The following EMID1 variants were observed in gnomAD, a reference collection of about 807,000 sequenced individuals.
EMID1 encodes the protein EMI domain containing 1.
A neutral mutation model predicts 60.6 loss-of-function variants in EMID1; 40 were observed. The ratio of observed to expected loss-of-function variants is 0.66; its 90% CI spans 0.51 to 0.86. The LOEUF (loss-of-function observed/expected upper bound fraction) is 0.86, where lower values mean the gene tolerates loss of function less well. Ranked by LOEUF, EMID1 falls within the 40% of genes least tolerant of loss-of-function variation. The pLI is 0.00. For missense variants in EMID1, 585 were observed against 597.1 expected, an observed-to-expected ratio of 0.98 and a Z score of 0.21; for synonymous variants, 242 against 231.0, an observed-to-expected ratio of 1.05 and a Z score of -0.43.
At chr22:29,254,310 A>C in intron 14 of EMID1, 23 bp downstream of exon 14, 1 of 1,609,092 alleles carries the variant, frequency 6.2e-7, no homozygotes, top group Non-Finnish European at 8.5e-7. Context: ...AGACAGACGG[A>C]CAGACGGCCC....
Position 29,206,131 on chromosome 22 carries a change from C to T in EMID1, c.93C>T (p.Ser31=), listed in dbSNP as rs2039638495. 8.1e-7 allele frequency: 1 copy of T among 1,230,564 alleles called. No homozygotes were observed. The highest frequency in any genetic ancestry group is 1.0e-6 in the Non-Finnish European group (1 of 986,986). 76.2% of individuals were successfully genotyped at this position (1,230,564 alleles called of 1,614,324 possible). ...AAWSIGAAPF[S]GRRNWCSYVV... Reference sequence around the variant, plus strand: ...GGAGCATCGGGGCAGCTCCGTTCTCCGGACGCAGGTAAGAGCTCCCGGCGC... The same window carrying T: ...GGAGCATCGGGGCAGCTCCGTTCTCTGGACGCAGGTAAGAGCTCCCGGCGC... The change falls in exon 1 of 15, where the codon TCC becomes TCT. Residue 31 remains serine, a synonymous_variant. Coordinates refer to ENST00000334018, the MANE Select transcript of EMID1 (RefSeq NM_133455.4).
intron 14 of EMID1, among the ~76,000 whole-genome samples, chr22:29,257,919 C>T (rs1053826044): frequency 6.6e-6 from 1 of 152,190 alleles, no homozygotes; most frequent in African/African-American, 2.4e-5. Flanking sequence ...CTTTCAGTGA[C>T]CACACATGCC....
At chr22:29,233,768 C>A in intron 10 of EMID1, 102 bp downstream of exon 10, 1 of 1,098,000 alleles carries the variant, frequency 9.1e-7, no homozygotes, top group Non-Finnish European at 1.3e-6. Context: ...ATCCATCTAT[C>A]CATCCATCCA....
chr22:29,247,427 A>G (rs2041364864), intron 13 of EMID1, among the ~76,000 whole-genome samples: 1 of 152,242 alleles, frequency 6.6e-6, no homozygotes, highest in South Asian at 2.1e-4. Flanking sequence ...CATGAGCATC[A>G]TACAGTGTAC....
At chr22:29,221,331 A>C (rs12628389) in intron 3 of EMID1, among the ~76,000 whole-genome samples, 1 of 151,898 alleles carries the variant, frequency 6.6e-6, no homozygotes, top group Non-Finnish European at 1.5e-5. Flanking sequence ...GCCTTTGACC[A>C]AACACCAATG....
At chr22:29,231,202 G>T (rs1212624752) in intron 6 of EMID1, 62 bp downstream of exon 6, 3 of 1,531,088 alleles carry the variant, frequency 2.0e-6, no homozygotes, top group South Asian at 2.6e-5. Context: ...CGGGGAAGTG[G>T]GATTCTGGTC....
chr22:29,232,378 C>A lies in EMID1; in HGVS notation c.799C>A (p.Pro267Thr). The A allele has an allele frequency of 6.3e-7, 1 of 1,591,110 alleles. No homozygotes were observed. Among genetic ancestry groups the A allele is most frequent in the Non-Finnish European group, 8.5e-7 (1 of 1,171,580 alleles). The change falls in exon 8 of 15, where the codon CCC (proline) becomes ACC (threonine). Residue 267 changes from proline to threonine, a missense_variant. Pro to Thr is a conservative substitution (Grantham distance 38, BLOSUM62 -1). Transcript: ENST00000334018. Reference protein sequence around the residue: ...PPGPPAPVGPPHARISQHGDP... With the variant: ...PPGPPAPVGPTHARISQHGDP... ...TGGGCCCCCAGCCCCTGTTGGGCCA[C>A]CCCATGCCCGGATCTCCCAGCATGG...
chr22:29,220,856 G>A (rs867276310), intron 3 of EMID1, among the ~76,000 whole-genome samples: 4 of 152,156 alleles, frequency 2.6e-5, no homozygotes, highest in Admixed American at 6.6e-5. Flanking sequence ...CTGGGCAGAG[G>A]GAAGAAGAGC....
chr22:29,258,093 G>A (rs1039674471), intron 14 of EMID1, among the ~76,000 whole-genome samples: 3 of 152,204 alleles, frequency 2.0e-5, no homozygotes, highest in African/African-American at 7.2e-5. Context: ...GTCCTATGGA[G>A]GCTTAGCCAA....
At chr22:29,246,991 C>G (rs2041351462) in intron 13 of EMID1, among the ~76,000 whole-genome samples, 1 of 151,092 alleles carries the variant, frequency 6.6e-6, no homozygotes, top group South Asian at 2.1e-4. Context: ...TGTTTTTTTC[C>G]TTTTTTATTG....
chr22:29,229,238 C>G (rs2040638504), intron 5 of EMID1, among the ~76,000 whole-genome samples: 1 of 152,124 alleles, frequency 6.6e-6, no homozygotes. Context: ...GCTTAAGAGG[C>G]TGAGGCAGGA....
intron 8 of EMID1, chr22:29,233,051 C>G (rs933828474): frequency 2.8e-6 from 1 of 360,060 alleles, no homozygotes; most frequent in Middle Eastern, 7.9e-4. Flanking sequence ...TGTACAGAAG[C>G]CTGGCACACA....
rs1435624387 is a variant in EMID1 at position 29,237,795 on chromosome 22, C to T, written c.1074+3446C>T. On this transcript the variant is annotated intron_variant, in intron 12 of 14. Transcript: ENST00000334018. ...CAGCCTGGGCAACAGAGCGAGACTC[C>T]GTTTCAAAAAAAACAAACAAAAAAA... Among the ~76,000 whole-genome samples, 5 of 120,660 alleles carry T rather than the reference C, an allele frequency of 4.1e-5. No homozygotes were observed. In the East Asian group the frequency reaches 1.1e-3, roughly 27 times the overall value. The allele number at this position is 120,660 out of a possible 152,430, so 79.2% of individuals were successfully genotyped here.
intron 1 of EMID1, among the ~76,000 whole-genome samples, chr22:29,212,500 G>A (rs1269069834): frequency 6.6e-6 from 1 of 151,904 alleles, no homozygotes; most frequent in Middle Eastern, 3.4e-3. Context: ...CCCTGACTGT[G>A]CCGCCTATCA....
chr22:29,255,403 A>G lies in EMID1; in HGVS notation c.1204+1116A>G. 4 of 1,376,896 alleles carry G rather than the reference A, an allele frequency of 2.9e-6. No homozygotes were observed. The East Asian group carries it at 8.1e-5, about 28-fold the overall frequency. The allele number at this position is 1,376,896 out of a possible 1,614,324, so 85.3% of individuals were successfully genotyped here. A position where few individuals can be genotyped will look rare whatever the true frequency, so the allele number is the denominator to read the frequency against. On this transcript the variant is annotated intron_variant, in intron 14 of 14. Coordinates refer to ENST00000334018, the MANE Select transcript of EMID1 (RefSeq NM_133455.4). ...CAGGCAGGGGCAGCCTCTTCCAGGA[A>G]GGGCCTGGAAAAGGCCTGGGCATGC...
intron 13 of EMID1, among the ~76,000 whole-genome samples, chr22:29,246,152 A>G (rs1192086031): frequency 6.6e-6 from 1 of 152,214 alleles, no homozygotes; most frequent in African/African-American, 2.4e-5. Flanking sequence ...CGAGGGTACA[A>G]CAGGTGCAAA....
chr22:29,227,382 G>A (rs1366773931), intron 5 of EMID1, among the ~76,000 whole-genome samples: 1 of 151,410 alleles, frequency 6.6e-6, no homozygotes, highest in East Asian at 1.9e-4. Context: ...GAGCCGCTGC[G>A]CTGCCATAAA....
At position 29,225,245 on chromosome 22, in the gene EMID1, C is replaced by G. The variant is rs760805838; in HGVS notation, c.403+29C>G. 4.3e-6 allele frequency: 7 copies of G among 1,611,008 alleles called. No individual in the cohort carries two copies. The East Asian group carries it at 1.6e-4, about 36-fold the overall frequency. ...GGTCCTGGGATAGCTTCTTGAGGTC[C>G]CCCTGGGCTGAGGGAGCCCTGGAGG... On this transcript the variant is annotated intron_variant, in intron 4 of 14. Transcript: ENST00000334018.
chr22:29,255,208 G>GGGCCC, intron 14 of EMID1: 20 of 815,176 alleles, frequency 2.5e-5, no homozygotes, highest in Non-Finnish European at 3.4e-5. Context: ...TCCCCGCTTG[G>GGGCCC]CTCCCCAGCC....
Sources: allele counts gnomAD v4.1 joint callset (sites outside exome capture counted in the v4.1 genomes callset), GRCh38; gene constraint gnomAD v4.1.1; transcripts MANE v1.5; gene names NCBI Gene and HGNC (gene_info 2026-07-23, HGNC 2026-07-21).